The following UBE2E2 variants were observed in gnomAD, a reference collection of about 807,000 sequenced individuals.
The protein encoded by UBE2E2 is ubiquitin conjugating enzyme E2 E2.
Under a neutral mutation model 24.7 loss-of-function variants are expected in UBE2E2, and 6 were observed. The ratio of observed to expected loss-of-function variants is 0.24; its 90% CI spans 0.13 to 0.48. The LOEUF (loss-of-function observed/expected upper bound fraction) is 0.48. Ranked by LOEUF, UBE2E2 falls within the 20% of genes least tolerant of loss-of-function variation. The pLI, the probability that UBE2E2 is intolerant of heterozygous loss-of-function variation, is 0.99. For synonymous variants in UBE2E2, 104 were observed against 83.6 expected (o/e 1.24, Z -1.33); for missense variants, 169 against 245.0 (o/e 0.69, Z 2.07).
intron 5 of UBE2E2, among the ~76,000 whole-genome samples, chr3:23,562,519 T>A (rs1004078887): frequency 2.0e-5 from 3 of 152,140 alleles, no homozygotes; most frequent in Non-Finnish European, 2.9e-5. Context: ...GGGATATTGG[T>A]CTAAAATTCT....
At chr3:23,225,566 TG>T (rs1696797253) in intron 3 of UBE2E2, among the ~76,000 whole-genome samples, 1 of 152,220 alleles carries the variant, frequency 6.6e-6, no homozygotes, top group African/African-American at 2.4e-5. Context: ...TTTTTTACAC[TG>T]AATTGTCTTG....
chr3:23,354,870 C>G, intron 3 of UBE2E2, among the ~76,000 whole-genome samples: 1 of 152,202 alleles, frequency 6.6e-6, no homozygotes, highest in East Asian at 1.9e-4. Context: ...CCAGCCATCC[C>G]ATTACTGGGT....
intron 5 of UBE2E2, among the ~76,000 whole-genome samples, chr3:23,563,265 T>C (rs1695981783): frequency 6.6e-6 from 1 of 152,226 alleles, no homozygotes; most frequent in Non-Finnish European, 1.5e-5. Flanking sequence ...TTCTAGTATG[T>C]TGTGACTTTG....
At position 23,589,863 on chromosome 3, in the gene UBE2E2, T is replaced by G; in HGVS notation, c.*32T>G. The G allele has an allele frequency of 6.2e-7, 1 of 1,609,782 alleles. No homozygotes were observed. Among genetic ancestry groups the G allele is most frequent in the Non-Finnish European group, 8.5e-7 (1 of 1,176,570 alleles). On this transcript the variant is annotated 3_prime_UTR_variant, in exon 6 of 6. Coordinates refer to ENST00000396703, the MANE Select transcript of UBE2E2 (RefSeq NM_152653.4). The surrounding 1 kb of genome is among the most constrained non-coding windows in gnomAD (Gnocchi z 4.1). ...GCTGCCTGCCGCCCCGCGGGACCTGTGCAAGCACATTCACCAAGTGCATCG... is the reference window on the plus strand; with the variant it reads ...GCTGCCTGCCGCCCCGCGGGACCTGGGCAAGCACATTCACCAAGTGCATCG...
At chr3:23,388,227 A>C (rs1252384329) in intron 3 of UBE2E2, among the ~76,000 whole-genome samples, 1 of 152,222 alleles carries the variant, frequency 6.6e-6, no homozygotes, top group African/African-American at 2.4e-5. Context: ...GGACTGCTTA[A>C]GCAATATTTG....
At chr3:23,456,480 A>G (rs1049742027) in intron 3 of UBE2E2, among the ~76,000 whole-genome samples, 11 of 152,184 alleles carry the variant, frequency 7.2e-5, no homozygotes, top group African/African-American at 2.7e-4. Context: ...TAACACTTGA[A>G]AGTCAAAATT....
chr3:23,301,652 C>T (rs552880679), intron 3 of UBE2E2, among the ~76,000 whole-genome samples: 5 of 152,288 alleles, frequency 3.3e-5, no homozygotes, highest in African/African-American at 1.2e-4. Context: ...AGTTTTGTCT[C>T]AGAGGAGTAC....
intron 3 of UBE2E2, among the ~76,000 whole-genome samples, chr3:23,290,058 C>T (rs558223515): frequency 3.3e-5 from 5 of 152,252 alleles, no homozygotes; most frequent in African/African-American, 1.2e-4. Flanking sequence ...TATTTTAAGC[C>T]AGTTTATATT....
At chr3:23,350,977 A>C (rs1695730759) in intron 3 of UBE2E2, among the ~76,000 whole-genome samples, 1 of 152,222 alleles carries the variant, frequency 6.6e-6, no homozygotes, top group Non-Finnish European at 1.5e-5. Flanking sequence ...TGTTAAGGGC[A>C]GCCAGAGAGA....
intron 3 of UBE2E2, among the ~76,000 whole-genome samples, chr3:23,224,454 G>T (rs999404682): frequency 6.6e-6 from 1 of 150,744 alleles, no homozygotes; most frequent in African/African-American, 2.4e-5. Flanking sequence ...TTTTTTTCAG[G>T]TTATTTGCTG....
chr3:23,215,184 T>C (rs1031074196), intron 2 of UBE2E2, among the ~76,000 whole-genome samples: 1 of 152,194 alleles, frequency 6.6e-6, no homozygotes, highest in Non-Finnish European at 1.5e-5. Context: ...CTCCATCCAC[T>C]TTTAGCTGGT....
chr3:23,467,686 A>T (rs1397499469), intron 3 of UBE2E2, among the ~76,000 whole-genome samples: 1 of 152,156 alleles, frequency 6.6e-6, no homozygotes, highest in Admixed American at 6.5e-5. Flanking sequence ...TTATAGCCTC[A>T]CTATACTTCT....
intron 5 of UBE2E2, among the ~76,000 whole-genome samples, chr3:23,571,275 C>T (rs1416956232): frequency 3.4e-5 from 1 of 29,482 alleles, no homozygotes; most frequent in Non-Finnish European, 8.0e-5. Context: ...CCTGTGTGCT[C>T]CTTTCTTTTT....
In UBE2E2 at chr3:23,255,349, C is replaced by T. The variant is rs370876417; in HGVS notation, c.227+38037C>T. ...GCTCAAGCGATCCGTGTTCCTCAGC[C>T]TCCCAAAGTGCTGGGATTACAGGCG... is the stretch of plus-strand genomic sequence containing the variant. On this transcript the variant is annotated intron_variant, in intron 3 of 5. Coordinates refer to ENST00000396703, the MANE Select transcript of UBE2E2 (RefSeq NM_152653.4). Among the ~76,000 whole-genome samples, 7 of 152,074 alleles carry T rather than the reference C, an allele frequency of 4.6e-5. No individual in the cohort carries two copies. In the South Asian group the frequency reaches 1.5e-3, roughly 32 times the overall value.
At chr3:23,238,283 T>C (rs1228281609) in intron 3 of UBE2E2, among the ~76,000 whole-genome samples, 1 of 152,178 alleles carries the variant, frequency 6.6e-6, no homozygotes, top group Non-Finnish European at 1.5e-5. Context: ...AACCTGAGTT[T>C]TGTCACAAGA....
intron 3 of UBE2E2, among the ~76,000 whole-genome samples, chr3:23,397,386 A>G (rs1697104121): frequency 6.7e-6 from 1 of 148,512 alleles, no homozygotes; most frequent in African/African-American, 2.5e-5. Context: ...ATTGTGAACA[A>G]TAACACTTAG....
chr3:23,343,341 T>A (rs900773643), intron 3 of UBE2E2, among the ~76,000 whole-genome samples: 1 of 152,094 alleles, frequency 6.6e-6, no homozygotes, highest in African/African-American at 2.4e-5. Flanking sequence ...TTTGGGAGGC[T>A]GAGGCAGGTG....
At chr3:23,215,764 G>A (rs777063555) in intron 2 of UBE2E2, among the ~76,000 whole-genome samples, 10 of 152,130 alleles carry the variant, frequency 6.6e-5, no homozygotes, top group African/African-American at 1.2e-4. Flanking sequence ...TACCCACCCA[G>A]TGGGGTCCTG....
At chr3:23,515,120 GGTGTGTGT>G (rs58387270) in intron 4 of UBE2E2, among the ~76,000 whole-genome samples, 1,529 of 148,080 alleles carry the variant, frequency 0.01, 25 homozygotes, top group African/African-American at 0.035. Context: ...ATAAACTTGG[GGTGTGTGT>G]GTGTGTGTGT....
Sources: gnomAD v4.1 joint callset for allele counts (sites outside exome capture counted in the v4.1 genomes callset) on GRCh38, gnomAD v4.1.1 for gene constraint, Gnocchi (gnomAD v3.1) non-coding constraint, MANE v1.5 for transcripts, NCBI Gene and HGNC (gene_info 2026-07-23, HGNC 2026-07-21) for gene names.